MICU3: variants seen among roughly 807,000 people sequenced by gnomAD.
MICU3 encodes the protein calcium uptake protein 3, mitochondrial.
MICU3 carries 62 observed loss-of-function variants against 66.5 expected under a neutral mutation model. That is an observed-to-expected ratio of 0.93 (90% CI 0.76 to 1.15). The LOEUF (loss-of-function observed/expected upper bound fraction) is 1.15. Among genes scored for constraint, MICU3 ranks in the 50% most tolerant of loss-of-function variants. The pLI is 0.00. For missense variants in MICU3, 779 were observed against 664.4 expected, an observed-to-expected ratio of 1.17 and a Z score of -1.90; for synonymous variants, 308 against 240.7, an observed-to-expected ratio of 1.28 and a Z score of -2.59.
At chr8:17,070,227 A>C (rs536262418) in intron 3 of MICU3, among the ~76,000 whole-genome samples, 1 of 152,218 alleles carries the variant, frequency 6.6e-6, no homozygotes, top group South Asian at 2.1e-4. Context: ...TGATGGCCCC[A>C]AAACTTTAAT....
At chr8:17,128,162 C>A in the MICU3 span, among the ~76,000 whole-genome samples, 1 of 151,496 alleles carries the variant, frequency 6.6e-6, no homozygotes, top group Non-Finnish European at 1.5e-5. Flanking sequence ...AGGGAGAGGA[C>A]CTGAATGGGC....
chr8:17,137,156 C>T, the MICU3 span, among the ~76,000 whole-genome samples: 2 of 151,976 alleles, frequency 1.3e-5, no homozygotes, highest in African/African-American at 2.4e-5. Flanking sequence ...AATCCAAGTA[C>T]GTAAAGGCTT....
chr8:17,108,873 C>T (rs1004086598), intron 11 of MICU3, among the ~76,000 whole-genome samples: 1 of 152,028 alleles, frequency 6.6e-6, no homozygotes. Context: ...TTACCTTTGA[C>T]CTCACTTCCT....
chr8:17,031,251 C>G (rs997100502), intron 1 of MICU3, among the ~76,000 whole-genome samples: 3 of 138,404 alleles, frequency 2.2e-5, no homozygotes, highest in Admixed American at 7.6e-5. Flanking sequence ...TAAACCTATG[C>G]TGCCACTTCA....
chr8:17,051,542 A>G (rs924220357), intron 1 of MICU3, among the ~76,000 whole-genome samples: 8 of 152,244 alleles, frequency 5.3e-5, no homozygotes, highest in African/African-American at 1.9e-4. Flanking sequence ...GCCCTAGGGC[A>G]GTGTAGTTGG....
chr8:17,100,037 G>T (rs1365229637), intron 9 of MICU3, among the ~76,000 whole-genome samples: 1 of 151,766 alleles, frequency 6.6e-6, no homozygotes, highest in Non-Finnish European at 1.5e-5. Context: ...AAAGGTATAT[G>T]GTTCTGTTGT....
rs182707903 is a variant in MICU3, at chr8:17,116,460, G to T, written c.1384G>T (p.Val462Phe). The change falls in exon 13 of 15, where the codon GTC (valine) becomes TTC (phenylalanine). Residue 462 changes from valine (V) to phenylalanine (F), a missense_variant. By Grantham distance (50) the Val-to-Phe change is conservative (BLOSUM62 -1). Transcript: ENST00000318063. ...SIGQDEFKRA[V>F]YVATGLKFSP... is the part of the protein sequence containing the mutation. ...TTATCTAGATGAATTTAAACGTGCC[G>T]TCTATGTAGCTACTGGACTCAAATT... is the stretch of plus-strand genomic sequence containing the variant. The T allele has an allele frequency of 4.0e-6, 6 of 1,500,400 alleles. No individual in the cohort carries two copies. Among genetic ancestry groups the T allele is most frequent in the Non-Finnish European group, 5.3e-6 (6 of 1,130,104 alleles). 92.9% of individuals were successfully genotyped at this position (1,500,400 alleles called of 1,614,324 possible).
At chr8:17,100,387 T>G (rs1801153486) in intron 9 of MICU3, among the ~76,000 whole-genome samples, 1 of 151,800 alleles carries the variant, frequency 6.6e-6, no homozygotes, top group Non-Finnish European at 1.5e-5. Context: ...TTATATCGTG[T>G]TCCAGAGTAA....
the MICU3 span, among the ~76,000 whole-genome samples, chr8:17,136,587 C>G: frequency 6.6e-6 from 1 of 152,074 alleles, no homozygotes; most frequent in Non-Finnish European, 1.5e-5. Context: ...TCCATCCCCA[C>G]CTTCCTAGGA....
In MICU3 at chr8:17,073,795, C is replaced by T. The variant is rs564812253; in HGVS notation, c.568-3988C>T. Among the ~76,000 whole-genome samples, 13 of 151,870 alleles carry T rather than the reference C, an allele frequency of 8.6e-5. No homozygotes were observed. The South Asian group carries it at 2.7e-3, about 32-fold the overall frequency. ...TGAAAAATTTGTGAAATAGAGAAACCCAGGATAAATGTAGAATTACAGAGT... is the reference window on the plus strand; with the variant it reads ...TGAAAAATTTGTGAAATAGAGAAACTCAGGATAAATGTAGAATTACAGAGT... On this transcript the variant is annotated intron_variant, in intron 3 of 14. Coordinates refer to ENST00000318063, the MANE Select transcript of MICU3 (RefSeq NM_181723.3).
the MICU3 span, among the ~76,000 whole-genome samples, chr8:17,130,512 CAA>C: frequency 2.3e-4 from 29 of 128,498 alleles, no homozygotes; most frequent in African/African-American, 7.8e-4. Flanking sequence ...GACTCTGTCT[CAA>C]AAAAAAAAAG....
Position 17,064,094 on chromosome 8 carries a change from G to A in MICU3, c.392G>A (p.Gly131Asp), listed in dbSNP as rs1479956768. Residue 131 changes from glycine to aspartate, a missense_variant, in exon 2 of 15, where the codon GGC (glycine) becomes GAC (aspartate). Gly to Asp is a moderately conservative substitution (Grantham distance 94). Coordinates refer to ENST00000318063, the MANE Select transcript of MICU3 (RefSeq NM_181723.3). ...CTTTCTTAACTTTAGGTTGCTATTG[G>A]CAGAACAGACATTGAAGACTTAGAC... ...VAAAKETVAI[G>D]RTDIEDLDLY... 4 of 1,609,066 alleles carry A rather than the reference G, an allele frequency of 2.5e-6. No individual in the cohort carries two copies. Among genetic ancestry groups the A allele is most frequent in the Middle Eastern group, 1.7e-4 (1 of 6,058 alleles).
At chr8:17,118,907 A>G (rs1802953639) in intron 14 of MICU3, 132 bp downstream of exon 14, 1 of 541,158 alleles carries the variant, frequency 1.8e-6, no homozygotes, top group Non-Finnish European at 3.0e-6. Context: ...TTAAGTCATT[A>G]GAGTATCTTG....
intron 12 of MICU3, among the ~76,000 whole-genome samples, chr8:17,116,214 A>G (rs906439120): frequency 1.3e-5 from 2 of 152,214 alleles, no homozygotes; most frequent in African/African-American, 4.8e-5. Context: ...TTAAACATTC[A>G]TCGAATGTGA....
chr8:17,043,161 G>A (rs1048910033), intron 1 of MICU3, among the ~76,000 whole-genome samples: 74 of 151,624 alleles, frequency 4.9e-4, no homozygotes, highest in African/African-American at 1.7e-3. Context: ...GGATGGTCTC[G>A]ATCTCCTGAC....
intron 11 of MICU3, among the ~76,000 whole-genome samples, chr8:17,105,866 T>G (rs149173242): frequency 6.6e-6 from 1 of 152,080 alleles, no homozygotes; most frequent in African/African-American, 2.4e-5. Flanking sequence ...AGAATTCCAC[T>G]TAGCTCTATG....
intron 3 of MICU3, among the ~76,000 whole-genome samples, chr8:17,072,681 G>GA (rs1250007302): frequency 6.6e-5 from 10 of 151,846 alleles, no homozygotes; most frequent in Non-Finnish European, 1.5e-4. Context: ...GGCTTAATAA[G>GA]AAAAAAATAG....
Position 17,053,426 on chromosome 8 carries a change from T to G in MICU3, c.382-10658T>G, listed in dbSNP as rs536576082. 2.3e-3 allele frequency among the ~76,000 whole-genome samples: 347 copies of G among 152,314 alleles called. 2 individuals are homozygous for G. Among genetic ancestry groups the G allele is most frequent in the Non-Finnish European group, 3.5e-3 (241 of 68,014 alleles). On this transcript the variant is annotated intron_variant, in intron 1 of 14. Transcript: ENST00000318063. ...TGTGCCTTGGCAATGAACCTTTGTTTTCTGTTTTTATAGGAAGGATAATGA... is the reference window on the plus strand; with the variant it reads ...TGTGCCTTGGCAATGAACCTTTGTTGTCTGTTTTTATAGGAAGGATAATGA...
intron 11 of MICU3, among the ~76,000 whole-genome samples, chr8:17,107,157 GACAA>G (rs1256829988): frequency 6.6e-6 from 1 of 152,098 alleles, no homozygotes; most frequent in Admixed American, 6.6e-5. Context: ...TTAGTGGAGA[GACAA>G]ACAAGTAAAA....
Sources: gnomAD v4.1 joint callset for allele counts (sites outside exome capture counted in the v4.1 genomes callset) on GRCh38, gnomAD v4.1.1 for gene constraint, MANE v1.5 for transcripts, NCBI Gene and HGNC (gene_info 2026-07-23, HGNC 2026-07-21) for gene names.